Variants in GPRIN1 observed in about 807,000 individuals in gnomAD.
GPRIN1 encodes the protein G protein regulated inducer of neurite outgrowth 1.
A neutral mutation model predicts 2.8 loss-of-function variants in GPRIN1; 4 were observed. The observed-to-expected ratio is 1.45, with a 90% confidence interval of 0.71 to 3.32. The LOEUF is 3.32. Among genes scored for constraint, GPRIN1 ranks in the 30% most tolerant of loss-of-function variants. The pLI is 0.01. For synonymous variants in GPRIN1, 589 were observed against 589.9 expected (o/e 1.00, Z 0.02); for missense variants, 1,322 against 1,343.4 (o/e 0.98, Z 0.25).
rs1322330597 is a variant in GPRIN1, at chr5:176,596,884, G to A, written c.2951C>T (p.Pro984Leu). 2 of 1,303,866 alleles carry A rather than the reference G, an allele frequency of 1.5e-6. No homozygotes were observed. The highest frequency in any genetic ancestry group is 1.5e-5 in the African/African-American group (1 of 65,990). The allele number at this position is 1,303,866 out of a possible 1,614,324, so 80.8% of individuals were successfully genotyped here. A position where few individuals can be genotyped will look rare whatever the true frequency, so the allele number is the denominator to read the frequency against. The change falls in exon 2 of 2, where the codon CCC (proline) becomes CTC (leucine). Residue 984 changes from proline (P) to leucine (L), a missense_variant. Pro to Leu is a moderately conservative substitution (Grantham distance 98). Around this residue, in one of 3 missense-constraint regions of GPRIN1, gnomAD observed 196 missense variants for 189.2 expected, o/e 1.04. Coordinates refer to ENST00000303991, the MANE Select transcript of GPRIN1 (RefSeq NM_052899.3). This position sits in a 1 kb window ranked among gnomAD's most constrained non-coding sequence, Gnocchi z 5.2. ...APPDGAAKRPPGLFRALLQSV... is the reference protein window; with the variant it reads ...APPDGAAKRPLGLFRALLQSV... ...CTGCAGCAGCGCGCGGAACAGGCCG[G>A]GCGGACGCTTGGCGGCGCCATCTGG...
chr5:176,607,075 C>T (rs911549356), intron 1 of GPRIN1, among the ~76,000 whole-genome samples: 4 of 152,124 alleles, frequency 2.6e-5, no homozygotes, highest in East Asian at 1.9e-4. Context: ...TTTTCTACTC[C>T]GTGGGTCTCA....
rs530803258 is a variant in GPRIN1 at position 176,596,616 on chromosome 5, G to C, written c.*192C>G. The C allele has an allele frequency of 3.2e-4, 119 of 373,888 alleles. 1 individual carries two copies. Among genetic ancestry groups the C allele is most frequent in the African/African-American group, 2.5e-3 (115 of 46,658 alleles). The allele number at this position is 373,888 out of a possible 1,614,324, so 23.2% of individuals were successfully genotyped here. On this transcript the variant is annotated 3_prime_UTR_variant, in exon 2 of 2. Coordinates refer to ENST00000303991, the MANE Select transcript of GPRIN1 (RefSeq NM_052899.3). This position sits in a 1 kb window ranked among gnomAD's most constrained non-coding sequence, Gnocchi z 5.2. Reference sequence around the variant, plus strand: ...GCCGGGTTCGTGGCCTCGTGGCCACGAGGGAGCTTGGTAGAAGGGGTTCTT... The same window carrying C: ...GCCGGGTTCGTGGCCTCGTGGCCACCAGGGAGCTTGGTAGAAGGGGTTCTT...
chr5:176,601,533 G>C (rs1410577159), intron 1 of GPRIN1, among the ~76,000 whole-genome samples: 1 of 152,154 alleles, frequency 6.6e-6, no homozygotes, highest in Non-Finnish European at 1.5e-5. Context: ...GGGCTGCTGG[G>C]TGATGGTGCT....
At chr5:176,604,521 G>C (rs1759195449) in intron 1 of GPRIN1, among the ~76,000 whole-genome samples, 1 of 152,034 alleles carries the variant, frequency 6.6e-6, no homozygotes, top group African/African-American at 2.4e-5. Context: ...AATGTAATAG[G>C]ATTATACCTT....
In GPRIN1 at chr5:176,598,632, A is replaced by G. The variant is rs760308863; in HGVS notation, c.1203T>C (p.Asp401=). 1.2e-6 allele frequency: 2 copies of G among 1,614,012 alleles called. No individual in the cohort carries two copies. The highest frequency in any genetic ancestry group is 2.7e-5 in the African/African-American group (2 of 74,914). Residue 401 remains aspartate (D), a synonymous_variant, in exon 2 of 2, where the codon GAT becomes GAC. Transcript: ENST00000303991. ...GATCCACATTTTTCAAAGATGTGAG[A>G]TCTGTCTTTGCTGAAGCCGTAGTAT... ...HTDTTASAKT[D]LTSLKNVDPM...
chr5:176,598,980 C>G lies in GPRIN1; in HGVS notation c.855G>C (p.Leu285Phe). Residue 285 changes from leucine (L) to phenylalanine (F), a missense_variant, in exon 2 of 2, where the codon TTG becomes TTC. Leu to Phe is a conservative substitution (Grantham distance 22). Transcript: ENST00000303991. ...AGGGCCCAGGATCTCTCTTTCCCGA[C>G]AATACAAGATCTACCTTTTCTGCAG... ...PTSAEKVDLV[L>F]SGKRDPGPSG... 1 of 1,614,114 alleles carries G rather than the reference C, an allele frequency of 6.2e-7. No individual in the cohort carries two copies. Among genetic ancestry groups the G allele is most frequent in the Non-Finnish European group, 8.5e-7 (1 of 1,180,000 alleles).
Position 176,598,003 on chromosome 5 carries a change from A to G in GPRIN1, c.1832T>C (p.Leu611Pro), listed in dbSNP as rs1482504803. The change falls in exon 2 of 2, where the codon CTA becomes CCA. Residue 611 changes from leucine to proline, a missense_variant. By Grantham distance (98) the Leu-to-Pro change is moderately conservative. Coordinates refer to ENST00000303991, the MANE Select transcript of GPRIN1 (RefSeq NM_052899.3). ...GGTGGTAACAGGACTCCCCTTCTCT[A>G]GAGGCAGAGAACCCACTTTTCCCTC... ...IPEGKVGSLP[L>P]EKGSPVTTTK... is the part of the protein sequence containing the mutation. 2 of 1,613,778 alleles carry G rather than the reference A, an allele frequency of 1.2e-6. No homozygotes were observed. Among genetic ancestry groups the G allele is most frequent in the South Asian group, 1.1e-5 (1 of 91,056 alleles).
In GPRIN1 at chr5:176,599,092, TTGTC is replaced by T. The variant is rs1354594329; in HGVS notation, c.739_742del (p.Asp247LysfsTer34). 9 of 1,612,952 alleles carry T rather than the reference TTGTC, an allele frequency of 5.6e-6. No homozygotes were observed. Among genetic ancestry groups the T allele is most frequent in the African/African-American group, 1.3e-5 (1 of 74,918 alleles). On this transcript the variant is annotated frameshift_variant, in exon 2 of 2. Transcript: ENST00000303991. LOFTEE classifies it low-confidence loss of function (END_TRUNC). ...CTTTCTTGGGAATACAGGGTCCACT[TTGTC>T]TGAGGACACAGGATCCACCTTTCTC...
chr5:176,608,417 C>T (rs560658465), intron 1 of GPRIN1, among the ~76,000 whole-genome samples: 1 of 152,310 alleles, frequency 6.6e-6, no homozygotes, highest in African/African-American at 2.4e-5. Context: ...TTGAGTGTGG[C>T]CTGACTGAGG....
At position 176,598,106 on chromosome 5, in the gene GPRIN1, A is replaced by C; in HGVS notation, c.1729T>G (p.Ser577Ala). The C allele has an allele frequency of 1.2e-6, 2 of 1,613,226 alleles. No homozygotes were observed. The highest frequency in any genetic ancestry group is 1.7e-6 in the Non-Finnish European group (2 of 1,179,978). Residue 577 changes from serine (S) to alanine (A), a missense_variant, in exon 2 of 2, where the codon TCA becomes GCA. Ser to Ala is a moderately conservative substitution (Grantham distance 99, BLOSUM62 1). Around this residue, in one of 3 missense-constraint regions of GPRIN1, gnomAD observed 1,117 missense variants for 1,128.6 expected, o/e 0.99. Transcript: ENST00000303991. ...ACCGGGACTGTTTTTCCTGGAGTTGAGACCACTTTACCTATAGACACAGAG... is the reference window on the plus strand; with the variant it reads ...ACCGGGACTGTTTTTCCTGGAGTTGCGACCACTTTACCTATAGACACAGAG... ...GDSVSIGKVV[S>A]TPGKTVPVPS...
At position 176,596,772 on chromosome 5, in the gene GPRIN1, A is replaced by G. The variant is rs1263563051; in HGVS notation, c.*36T>C. 3 of 1,393,656 alleles carry G rather than the reference A, an allele frequency of 2.2e-6. No individual in the cohort carries two copies. Among genetic ancestry groups the G allele is most frequent in the Non-Finnish European group, 2.8e-6 (3 of 1,072,808 alleles). The allele number at this position is 1,393,656 out of a possible 1,614,324, so 86.3% of individuals were successfully genotyped here. ...CCTGTGATCAAGAAGGGAGCCTGAG[A>G]AGGTCGGAAACTCGGGCGTACAAAA... On this transcript the variant is annotated 3_prime_UTR_variant, in exon 2 of 2. Coordinates refer to ENST00000303991, the MANE Select transcript of GPRIN1 (RefSeq NM_052899.3). The surrounding 1 kb of genome is among the most constrained non-coding windows in gnomAD (Gnocchi z 5.2).
At position 176,597,968 on chromosome 5, in the gene GPRIN1, C is replaced by A; in HGVS notation, c.1867G>T (p.Asp623Tyr). 6.2e-7 allele frequency: 1 copy of A among 1,614,056 alleles called. No homozygotes were observed. The highest frequency in any genetic ancestry group is 8.5e-7 in the Non-Finnish European group (1 of 1,180,020). ...TGTGCTTTCCCCGAGGCCCTGGGAT[C>A]CGCCTTTGTGGTGGTAACAGGACTC... ...KGSPVTTTKA[D>Y]PRASGKAQPQ... The change falls in exon 2 of 2, where the codon GAT becomes TAT. Residue 623 changes from aspartate to tyrosine, a missense_variant. Physicochemically the swap from Asp to Tyr is radical, Grantham distance 160 (BLOSUM62 -3). Around this residue, in one of 3 missense-constraint regions of GPRIN1, gnomAD observed 1,117 missense variants for 1,128.6 expected, o/e 0.99. Coordinates refer to ENST00000303991, the MANE Select transcript of GPRIN1 (RefSeq NM_052899.3). The surrounding 1 kb of genome is among the most constrained non-coding windows in gnomAD (Gnocchi z 6.1).
Position 176,597,124 on chromosome 5 carries a change from G to C in GPRIN1, c.2711C>G (p.Pro904Arg). 1 of 1,469,682 alleles carries C rather than the reference G, an allele frequency of 6.8e-7. No homozygotes were observed. The highest frequency in any genetic ancestry group is 9.0e-7 in the Non-Finnish European group (1 of 1,107,918). The allele number at this position is 1,469,682 out of a possible 1,614,324, so 91.0% of individuals were successfully genotyped here. Residue 904 changes from proline (P) to arginine (R), a missense_variant, in exon 2 of 2, where the codon CCG becomes CGG. Physicochemically the swap from Pro to Arg is moderately radical, Grantham distance 103 (BLOSUM62 -2). Around this residue, in one of 3 missense-constraint regions of GPRIN1, gnomAD observed 196 missense variants for 189.2 expected, o/e 1.04. Transcript: ENST00000303991. This position sits in a 1 kb window ranked among gnomAD's most constrained non-coding sequence, Gnocchi z 6.1. ...GTCTCGCACGGGCTCAGCCGGCTCC[G>C]GGGGCGCTACAGCGGCCGCCAGCGC... is the stretch of plus-strand genomic sequence containing the variant. ...GSALAAAVAP[P>R]EPAEPVRDVS...
At position 176,599,763 on chromosome 5, in the gene GPRIN1, G is replaced by C; in HGVS notation, c.72C>G (p.Pro24=). Residue 24 remains proline (P), a synonymous_variant, in exon 2 of 2, where the codon CCC becomes CCG. Transcript: ENST00000303991. ...QKDSSPPGPR[P]TAFFCPQDGS... is the part of the protein sequence containing the mutation. ...CATCCTGTGGGCAGAAGAAGGCTGT[G>C]GGTCGGGGTCCTGGGGGGCTGGAAT... The C allele has an allele frequency of 6.6e-7, 1 of 1,525,460 alleles. No individual in the cohort carries two copies. Among genetic ancestry groups the C allele is most frequent in the Non-Finnish European group, 8.8e-7 (1 of 1,136,120 alleles). 94.5% of individuals were successfully genotyped at this position (1,525,460 alleles called of 1,614,324 possible).
Position 176,598,446 on chromosome 5 carries a change from C to A in GPRIN1, c.1389G>T (p.Arg463Ser), listed in dbSNP as rs1377305150. ...TACTTCCAGCAGATATGGGGTCCTC[C>A]CTTCTGGAGGACACCGGGTCCTCTT... ...PGKEDPVSSR[R>S]EDPISAGSRK... The change falls in exon 2 of 2, where the codon AGG becomes AGT. Residue 463 changes from arginine (R) to serine (S), a missense_variant. Around this residue, in one of 3 missense-constraint regions of GPRIN1, gnomAD observed 1,117 missense variants for 1,128.6 expected, o/e 0.99. Transcript: ENST00000303991. The A allele has an allele frequency of 6.2e-7, 1 of 1,614,070 alleles. No individual in the cohort carries two copies. The highest frequency in any genetic ancestry group is 1.1e-5 in the South Asian group (1 of 91,082).
In GPRIN1 at chr5:176,597,566, T is replaced by C. The variant is rs759918547; in HGVS notation, c.2269A>G (p.Ser757Gly). 5 of 1,584,178 alleles carry C rather than the reference T, an allele frequency of 3.2e-6. No individual in the cohort carries two copies. The highest frequency in any genetic ancestry group is 1.7e-6 in the Non-Finnish European group (2 of 1,171,994). The change falls in exon 2 of 2, where the codon AGC (serine) becomes GGC (glycine). Residue 757 changes from serine (S) to glycine (G), a missense_variant. Ser to Gly is a moderately conservative substitution (Grantham distance 56, BLOSUM62 0). Around this residue, in one of 3 missense-constraint regions of GPRIN1, gnomAD observed 1,117 missense variants for 1,128.6 expected, o/e 0.99. Transcript: ENST00000303991. This position sits in a 1 kb window ranked among gnomAD's most constrained non-coding sequence, Gnocchi z 6.1. ...TGGCCGAGACTGGAGGCCTCGGTGC[T>C]GGACACGGGCTCGGCCTTCGGCTCC... ...RVEPKAEPVSSTEASSLGQKD... is the reference protein window; with the variant it reads ...RVEPKAEPVSGTEASSLGQKD...
In GPRIN1 at chr5:176,598,733, T is replaced by C. The variant is rs1264950056; in HGVS notation, c.1102A>G (p.Lys368Glu). 7 of 1,613,664 alleles carry C rather than the reference T, an allele frequency of 4.3e-6. No homozygotes were observed. The Admixed American group carries it at 1.2e-4, about 27-fold the overall frequency. ...VGNVETVPAT[K>E]EDSRFLGKMD... ...TTTCCCAGGAACCGGGAGTCCTCTT[T>C]TGTGGCAGGCACAGTTTCTACATTT... The change falls in exon 2 of 2, where the codon AAA becomes GAA. Residue 368 changes from lysine (K) to glutamate (E), a missense_variant. Around this residue, in one of 3 missense-constraint regions of GPRIN1, gnomAD observed 1,117 missense variants for 1,128.6 expected, o/e 0.99. Coordinates refer to ENST00000303991, the MANE Select transcript of GPRIN1 (RefSeq NM_052899.3).
Position 176,596,778 on chromosome 5 carries a change from G to C in GPRIN1, c.*30C>G. On this transcript the variant is annotated 3_prime_UTR_variant, in exon 2 of 2. Coordinates refer to ENST00000303991, the MANE Select transcript of GPRIN1 (RefSeq NM_052899.3). This position sits in a 1 kb window ranked among gnomAD's most constrained non-coding sequence, Gnocchi z 5.2. ...ATCAAGAAGGGAGCCTGAGAAGGTC[G>C]GAAACTCGGGCGTACAAAATGGGGG... 2 of 1,403,996 alleles carry C rather than the reference G, an allele frequency of 1.4e-6. No homozygotes were observed. Among genetic ancestry groups the C allele is most frequent in the Non-Finnish European group, 1.9e-6 (2 of 1,078,998 alleles). The allele number at this position is 1,403,996 out of a possible 1,614,324, so 87.0% of individuals were successfully genotyped here.
chr5:176,607,308 C>T (rs1316163054), intron 1 of GPRIN1, among the ~76,000 whole-genome samples: 2 of 152,198 alleles, frequency 1.3e-5, no homozygotes, highest in Admixed American at 6.5e-5. Context: ...AACTACCCCA[C>T]TAGAACCCAG....
Sources: gnomAD v4.1 joint callset for allele counts (sites outside exome capture counted in the v4.1 genomes callset) on GRCh38, gnomAD v4.1.1 for gene constraint, gnomAD v4.1.1 regional missense constraint, Gnocchi (gnomAD v3.1) non-coding constraint, MANE v1.5 for transcripts, NCBI Gene and HGNC (gene_info 2026-07-23, HGNC 2026-07-21) for gene names.